NEGR1: variants seen among roughly 807,000 people sequenced by gnomAD.
NEGR1 encodes neuronal growth regulator 1.
A neutral mutation model predicts 40.9 loss-of-function variants in NEGR1; 10 were observed. That is an observed-to-expected ratio of 0.24 (90% confidence interval 0.15 to 0.42). NEGR1 has a LOEUF of 0.42. NEGR1 is among the 10% of genes least tolerant of loss of function. The pLI is 1.00. For synonymous variants in NEGR1, 185 were observed against 166.8 expected, an observed-to-expected ratio of 1.11 and a Z score of -0.84; for missense variants, 352 against 438.9, an observed-to-expected ratio of 0.80 and a Z score of 1.77.
chr1:72,076,853 T>C (rs1647761594), intron 1 of NEGR1, among the ~76,000 whole-genome samples: 1 of 150,612 alleles, frequency 6.6e-6, no homozygotes, highest in Admixed American at 6.7e-5. Context: ...TCTACAAAAA[T>C]GAATACAAGA....
intron 6 of NEGR1, among the ~76,000 whole-genome samples, chr1:71,450,845 TA>T (rs1646622155): frequency 4.0e-5 from 6 of 151,434 alleles, no homozygotes; most frequent in Admixed American, 3.3e-4. Flanking sequence ...AACAAGAAAA[TA>T]AGGGTAACTT....
rs183759558 is a variant in NEGR1 at position 71,502,579 on chromosome 1, G to A, written c.940+90238C>T. On this transcript the variant is annotated intron_variant, in intron 6 of 6. Coordinates refer to ENST00000357731, the MANE Select transcript of NEGR1 (RefSeq NM_173808.3). ...TGTGCCTTCATGGAGTGGGACTCTC[G>A]CAGAGAGGGGAGATGCGTCCCACCT... Among the ~76,000 whole-genome samples, 11 of 152,248 alleles carry A rather than the reference G, an allele frequency of 7.2e-5. No homozygotes were observed. In the East Asian group the frequency reaches 1.9e-3, roughly 27 times the overall value.
chr1:71,898,980 G>GTATATA, intron 2 of NEGR1, among the ~76,000 whole-genome samples: 1 of 10,878 alleles, frequency 9.2e-5, no homozygotes, highest in East Asian at 5.3e-3. Context: ...TATATATATA[G>GTATATA]CATATATATA....
chr1:71,928,464 A>ATATATACACACATATATATGTAT (rs1645820027), intron 2 of NEGR1, among the ~76,000 whole-genome samples: 1 of 93,328 alleles, frequency 1.1e-5, no homozygotes, highest in Admixed American at 1.5e-4. Context: ...ATACACACAT[A>ATATATACACACATATATATGTAT]CTTATATATA....
At chr1:71,986,106 A>G (rs1056876291) in intron 1 of NEGR1, among the ~76,000 whole-genome samples, 3 of 152,268 alleles carry the variant, frequency 2.0e-5, no homozygotes, top group Non-Finnish European at 4.4e-5. Flanking sequence ...TCATCTGGAA[A>G]GACATAGCTA....
chr1:71,755,368 G>A (rs1010005394), intron 3 of NEGR1, among the ~76,000 whole-genome samples: 1 of 152,170 alleles, frequency 6.6e-6, no homozygotes, highest in African/African-American at 2.4e-5. Context: ...TCTGCAACTC[G>A]TTCTCTACAT....
chr1:71,475,705 C>T (rs1438999134), intron 6 of NEGR1, among the ~76,000 whole-genome samples: 2 of 151,818 alleles, frequency 1.3e-5, no homozygotes, highest in African/African-American at 2.4e-5. Context: ...CTAAGAAGGT[C>T]GTTAGGAAAA....
At chr1:71,732,627 T>A (rs1654920436) in intron 3 of NEGR1, among the ~76,000 whole-genome samples, 1 of 152,148 alleles carries the variant, frequency 6.6e-6, no homozygotes, top group African/African-American at 2.4e-5. Flanking sequence ...GATGCAGTGC[T>A]TTTAGAAGAA....
At chr1:71,838,825 A>C (rs981483892) in intron 2 of NEGR1, among the ~76,000 whole-genome samples, 1 of 152,178 alleles carries the variant, frequency 6.6e-6, no homozygotes, top group Non-Finnish European at 1.5e-5. Flanking sequence ...CTGGAACTGC[A>C]AAGGCCAGTA....
intron 3 of NEGR1, among the ~76,000 whole-genome samples, chr1:71,773,290 A>G (rs1570326823): frequency 6.6e-6 from 1 of 152,208 alleles, no homozygotes; most frequent in Non-Finnish European, 1.5e-5. Flanking sequence ...ACATACAAAA[A>G]CTAGCCATTA....
chr1:71,694,755 T>A (rs1394927393), intron 4 of NEGR1, among the ~76,000 whole-genome samples: 1 of 151,834 alleles, frequency 6.6e-6, no homozygotes, highest in East Asian at 1.9e-4. Context: ...ACCACATAAC[T>A]GAATCTACCG....
At chr1:71,739,423 C>T (rs1015681714) in intron 3 of NEGR1, among the ~76,000 whole-genome samples, 3 of 151,526 alleles carry the variant, frequency 2.0e-5, no homozygotes, top group African/African-American at 7.3e-5. Flanking sequence ...ATAAACTCCC[C>T]TTTACATATA....
At chr1:72,151,869 A>G (rs565865476) in intron 1 of NEGR1, among the ~76,000 whole-genome samples, 1 of 151,984 alleles carries the variant, frequency 6.6e-6, no homozygotes. Flanking sequence ...TAGACACCTA[A>G]TAGAATAGCC....
intron 1 of NEGR1, chr1:72,274,876 T>C (rs1402888306): frequency 6.3e-7 from 1 of 1,594,882 alleles, no homozygotes; most frequent in Admixed American, 1.7e-5. Flanking sequence ...TGCCAACTCC[T>C]GCCAGATCAT....
intron 6 of NEGR1, among the ~76,000 whole-genome samples, chr1:71,490,149 CAGA>C (rs1302621871): frequency 4.0e-5 from 6 of 151,854 alleles, no homozygotes; most frequent in Non-Finnish European, 8.8e-5. Flanking sequence ...TTCTGAAATA[CAGA>C]AGTATTATTT....
At chr1:71,557,037 GA>G (rs1355331470) in intron 6 of NEGR1, among the ~76,000 whole-genome samples, 2 of 151,600 alleles carry the variant, frequency 1.3e-5, no homozygotes, top group African/African-American at 4.8e-5. Flanking sequence ...AATGGTTTTA[GA>G]AACATTCTAT....
At chr1:71,608,747 A>C (rs12082359) in intron 5 of NEGR1, among the ~76,000 whole-genome samples, 2 of 152,184 alleles carry the variant, frequency 1.3e-5, no homozygotes, top group Admixed American at 6.5e-5. Flanking sequence ...GAACTCCTGC[A>C]ATGATGTCCT....
chr1:72,012,893 A>G (rs1646671911), intron 1 of NEGR1, among the ~76,000 whole-genome samples: 1 of 147,684 alleles, frequency 6.8e-6, no homozygotes, highest in Non-Finnish European at 1.5e-5. Flanking sequence ...TTTTTTGTAG[A>G]GCAAGATACT....
intron 1 of NEGR1, among the ~76,000 whole-genome samples, chr1:71,950,239 G>T (rs947958023): frequency 6.6e-6 from 1 of 151,858 alleles, no homozygotes; most frequent in Non-Finnish European, 1.5e-5. Flanking sequence ...ATACATATTT[G>T]TCATTCATTG....
Sources: allele counts gnomAD v4.1 joint callset (sites outside exome capture counted in the v4.1 genomes callset), GRCh38; gene constraint gnomAD v4.1.1; transcripts MANE v1.5; gene names NCBI Gene and HGNC (gene_info 2026-07-23, HGNC 2026-07-21).